The following SLC35F4 variants were observed in gnomAD, a reference collection of about 807,000 sequenced individuals.
SLC35F4 encodes the protein chromosome 14 open reading frame 36.
In SLC35F4, 24 loss-of-function variants were observed where a neutral mutation model predicts 44.2. The ratio of observed to expected loss-of-function variants is 0.54; its 90% CI spans 0.39 to 0.76. The LOEUF is 0.76. Ranked by LOEUF, SLC35F4 falls within the 30% of genes least tolerant of loss-of-function variation. SLC35F4 has a pLI of 0.00. For synonymous variants in SLC35F4, 238 were observed against 223.6 expected (o/e 1.06, Z -0.57); for missense variants, 562 against 586.1 (o/e 0.96, Z 0.42).
At chr14:57,884,007 T>C (rs1360133834) in intron 1 of SLC35F4, among the ~76,000 whole-genome samples, 2 of 152,200 alleles carry the variant, frequency 1.3e-5, no homozygotes, top group African/African-American at 4.8e-5. Flanking sequence ...GGTCAGGTGA[T>C]AGAGACAATA....
intron 1 of SLC35F4, among the ~76,000 whole-genome samples, chr14:57,681,120 T>A (rs2074887834): frequency 6.6e-6 from 1 of 152,076 alleles, no homozygotes. Flanking sequence ...GACTTCAAAC[T>A]ATTCTATAAG....
intron 1 of SLC35F4, among the ~76,000 whole-genome samples, chr14:57,903,792 G>C (rs186280554): frequency 6.6e-6 from 1 of 152,176 alleles, no homozygotes; most frequent in Non-Finnish European, 1.5e-5. Flanking sequence ...TAAAATGAAA[G>C]CTTATCAGTG....
chr14:57,785,776 G>C (rs2077740917), intron 1 of SLC35F4, among the ~76,000 whole-genome samples: 2 of 152,158 alleles, frequency 1.3e-5, no homozygotes, highest in Admixed American at 1.3e-4. Flanking sequence ...GAGCTTTCTG[G>C]GTCCCCTGGC....
At chr14:57,605,765 G>A (rs960195206) in intron 1 of SLC35F4, among the ~76,000 whole-genome samples, 1 of 151,272 alleles carries the variant, frequency 6.6e-6, no homozygotes, top group African/African-American at 2.4e-5. Context: ...ATACACCATG[G>A]AATATTATAC....
intron 1 of SLC35F4, among the ~76,000 whole-genome samples, chr14:57,774,161 G>A (rs550290464): frequency 2.0e-5 from 3 of 152,248 alleles, no homozygotes; most frequent in South Asian, 4.1e-4. Flanking sequence ...TAGAGGGAAG[G>A]CACTGAGAGT....
At chr14:57,884,459 A>G (rs770830480) in intron 1 of SLC35F4, among the ~76,000 whole-genome samples, 9 of 152,156 alleles carry the variant, frequency 5.9e-5, no homozygotes, top group Non-Finnish European at 1.0e-4. Flanking sequence ...GGACTCTTCC[A>G]TATTTCGTTT....
intron 1 of SLC35F4, among the ~76,000 whole-genome samples, chr14:57,790,141 C>T (rs191342774): frequency 6.6e-6 from 1 of 152,082 alleles, no homozygotes; most frequent in Non-Finnish European, 1.5e-5. Context: ...GAAGTTCTGG[C>T]CAGGGCAATC....
chr14:57,937,635 G>GAA (rs1223205781), intron 1 of SLC35F4, among the ~76,000 whole-genome samples: 1 of 119,570 alleles, frequency 8.4e-6, no homozygotes, highest in South Asian at 2.6e-4. Flanking sequence ...GAAAAGAAAA[G>GAA]AAAAGAAAAG....
At chr14:57,962,476 G>A (rs1279820560) in intron 1 of SLC35F4, among the ~76,000 whole-genome samples, 1 of 152,166 alleles carries the variant, frequency 6.6e-6, no homozygotes, top group Admixed American at 6.5e-5. Flanking sequence ...CCTAAATTAG[G>A]AAAAGGAGCC....
At chr14:57,630,021 T>C in intron 1 of SLC35F4, 3 of 534,308 alleles carry the variant, frequency 5.6e-6, no homozygotes, top group South Asian at 1.4e-5. Flanking sequence ...TTGATGTGTA[T>C]GTTCCGCTTG....
chr14:57,658,673 G>A (rs1053679149), intron 1 of SLC35F4, among the ~76,000 whole-genome samples: 1 of 152,108 alleles, frequency 6.6e-6, no homozygotes, highest in African/African-American at 2.4e-5. Flanking sequence ...AACCAGATAT[G>A]GCTCTCGTTG....
chr14:57,723,703 T>A (rs1429085970), intron 1 of SLC35F4, among the ~76,000 whole-genome samples: 2 of 152,242 alleles, frequency 1.3e-5, no homozygotes, highest in African/African-American at 4.8e-5. Flanking sequence ...GCCAGCAATA[T>A]ACCTTTACTA....
intron 3 of SLC35F4, among the ~76,000 whole-genome samples, chr14:57,586,768 A>G (rs1286577649): frequency 6.7e-6 from 1 of 150,162 alleles, no homozygotes; most frequent in Admixed American, 6.6e-5. Context: ...CTAAAACACC[A>G]AAAGCAATGG....
chr14:57,808,017 T>G (rs1320784183), intron 1 of SLC35F4, among the ~76,000 whole-genome samples: 2 of 151,666 alleles, frequency 1.3e-5, no homozygotes, highest in Non-Finnish European at 2.9e-5. Flanking sequence ...TTCATTATCA[T>G]GAACACAGCA....
At chr14:57,954,948 TAAAAAA>T (rs35919238) in intron 1 of SLC35F4, among the ~76,000 whole-genome samples, 4 of 107,102 alleles carry the variant, frequency 3.7e-5, no homozygotes, top group Admixed American at 9.9e-5. Context: ...TCATCCTGAT[TAAAAAA>T]AAAAAAAAAA....
chr14:57,897,776 G>T (rs1185858119), intron 1 of SLC35F4, among the ~76,000 whole-genome samples: 2 of 152,190 alleles, frequency 1.3e-5, no homozygotes, highest in Admixed American at 6.5e-5. Flanking sequence ...CAGTTACCCA[G>T]AGCATCACTG....
At chr14:57,604,489 A>G (rs532690342) in intron 1 of SLC35F4, among the ~76,000 whole-genome samples, 12 of 152,358 alleles carry the variant, frequency 7.9e-5, no homozygotes, top group African/African-American at 2.6e-4. Context: ...TCCCATGCTC[A>G]TGGATTGGAA....
intron 1 of SLC35F4, among the ~76,000 whole-genome samples, chr14:57,937,714 T>C (rs997211473): frequency 2.4e-4 from 36 of 152,198 alleles, no homozygotes; most frequent in African/African-American, 7.9e-4. Context: ...GAAAGTTTGC[T>C]GATGGTAAAT....
chr14:57,574,572 T>C (rs1312441690), intron 4 of SLC35F4, among the ~76,000 whole-genome samples: 1 of 152,188 alleles, frequency 6.6e-6, no homozygotes, highest in African/African-American at 2.4e-5. Flanking sequence ...ATAGTGGGAA[T>C]AGATAAATTA....
Sources: gnomAD v4.1 joint callset for allele counts (sites outside exome capture counted in the v4.1 genomes callset) on GRCh38, gnomAD v4.1.1 for gene constraint, MANE v1.5 for transcripts, NCBI Gene and HGNC (gene_info 2026-07-23, HGNC 2026-07-21) for gene names.